Variants in ANO4 observed in about 807,000 individuals in gnomAD.
The protein encoded by ANO4 is anoctamin 4, also known as anoctamin-4.
Under a neutral mutation model 141.9 loss-of-function variants are expected in ANO4, and 69 were observed. The observed-to-expected ratio is 0.49, with a 90% CI of 0.40 to 0.59. The LOEUF (loss-of-function observed/expected upper bound fraction) is 0.59. ANO4 is among the 20% of genes least tolerant of loss of function. The pLI is 0.00. For synonymous variants in ANO4, 350 were observed against 394.3 expected, an observed-to-expected ratio of 0.89 and a Z score of 1.33; for missense variants, 894 against 1,162.2, an observed-to-expected ratio of 0.77 and a Z score of 3.36.
intron 1 of ANO4, among the ~76,000 whole-genome samples, chr12:100,842,409 G>GT (rs2037321540): frequency 7.0e-6 from 1 of 143,522 alleles, no homozygotes; most frequent in Non-Finnish European, 1.5e-5. Flanking sequence ...GTGTGTATGT[G>GT]TATGTGTGTG....
At chr12:101,042,226 C>A in intron 11 of ANO4, 108 bp from the exon 12 acceptor site, 1 of 1,380,878 alleles carries the variant, frequency 7.2e-7, no homozygotes, top group Non-Finnish European at 9.9e-7. Flanking sequence ...ACCTTGCTTG[C>A]AGTTTACCTC....
intron 11 of ANO4, among the ~76,000 whole-genome samples, chr12:101,041,551 C>T: frequency 6.6e-6 from 1 of 152,168 alleles, no homozygotes; most frequent in East Asian, 1.9e-4. Flanking sequence ...TTAGTCAATG[C>T]ATATTAATTA....
rs182118525 is a variant in ANO4, at chr12:100,830,047, A to G, written c.-141+35020A>G. Among the ~76,000 whole-genome samples the G allele has an allele frequency of 2.1e-4, 32 of 152,162 alleles. 1 individual carries two copies. Among genetic ancestry groups the G allele is most frequent in the Admixed American group, 2.1e-3 (32 of 15,264 alleles). On this transcript the variant is annotated intron_variant, in intron 1 of 27. Coordinates refer to ENST00000392977, the MANE Select transcript of ANO4 (RefSeq NM_001286615.2). ...AATCTGTGTGAGATACAGCTCTTAG[A>G]CATATAAAGAGTAGGACTATAGTCA...
At chr12:100,730,009 A>G (rs2031316875) in intron 1 of ANO4, among the ~76,000 whole-genome samples, 2 of 151,816 alleles carry the variant, frequency 1.3e-5, no homozygotes, top group Admixed American at 1.3e-4. Flanking sequence ...TCTCCTCCTC[A>G]TTCATAGTCA....
chr12:100,935,926 G>A (rs140126599), intron 3 of ANO4, among the ~76,000 whole-genome samples: 6 of 152,066 alleles, frequency 3.9e-5, no homozygotes, highest in Non-Finnish European at 8.8e-5. Flanking sequence ...GATGAAATAT[G>A]GATGAAGTGC....
chr12:100,793,651 T>C (rs139013177), upstream of ANO4, among the ~76,000 whole-genome samples: 1 of 152,274 alleles, frequency 6.6e-6, no homozygotes, highest in East Asian at 1.9e-4. Context: ...AGTTATCTTT[T>C]CTGCAGTGAT....
At chr12:101,058,709 T>C (rs967289161) in intron 14 of ANO4, among the ~76,000 whole-genome samples, 2 of 152,186 alleles carry the variant, frequency 1.3e-5, no homozygotes, top group Non-Finnish European at 2.9e-5. Context: ...TGCACATTGA[T>C]TTTGTATCCT....
At chr12:101,105,918 C>T (rs1229307796) in intron 22 of ANO4, among the ~76,000 whole-genome samples, 1 of 152,054 alleles carries the variant, frequency 6.6e-6, no homozygotes, top group Admixed American at 6.5e-5. Context: ...GTCAGGAGTT[C>T]GAGACCAACA....
intron 8 of ANO4, among the ~76,000 whole-genome samples, chr12:101,009,871 C>G (rs1277877509): frequency 1.3e-5 from 2 of 152,076 alleles, no homozygotes. Flanking sequence ...TGGGCTGATC[C>G]TCTAATGTCC....
Position 100,901,762 on chromosome 12 carries a change from C to A in ANO4, c.-24C>A, listed in dbSNP as rs368294772. 45 of 1,612,468 alleles carry A rather than the reference C, an allele frequency of 2.8e-5. No individual in the cohort carries two copies. The highest frequency in any genetic ancestry group is 1.7e-5 in the Admixed American group (1 of 59,976). ...GCCTGTGGTCAGGCATTCCTCACTCCCACCAGGCAGAAGGTCAATAAAAAT... is the reference window on the plus strand; with the variant it reads ...GCCTGTGGTCAGGCATTCCTCACTCACACCAGGCAGAAGGTCAATAAAAAT... On this transcript the variant is annotated 5_prime_UTR_variant, in exon 2 of 28. Transcript: ENST00000392977.
intron 8 of ANO4, among the ~76,000 whole-genome samples, chr12:101,000,535 C>T (rs535354666): frequency 3.3e-4 from 50 of 152,250 alleles, no homozygotes; most frequent in African/African-American, 1.2e-3. Flanking sequence ...CTTTTAGTGC[C>T]TCAATGACTT....
At chr12:100,899,895 A>G (rs1206418725) in intron 1 of ANO4, among the ~76,000 whole-genome samples, 3 of 152,196 alleles carry the variant, frequency 2.0e-5, no homozygotes, top group East Asian at 3.8e-4. Context: ...CCATTTACAT[A>G]TAAAGAAACC....
At chr12:100,737,037 G>A (rs376239610) in intron 2 of ANO4, among the ~76,000 whole-genome samples, 3 of 152,212 alleles carry the variant, frequency 2.0e-5, no homozygotes, top group African/African-American at 4.8e-5. Flanking sequence ...CTCTGAAGGG[G>A]AGGTAGGTAT....
At chr12:101,012,862 G>C (rs1005009064) in intron 8 of ANO4, among the ~76,000 whole-genome samples, 17 of 152,130 alleles carry the variant, frequency 1.1e-4, no homozygotes, top group African/African-American at 3.9e-4. Flanking sequence ...GGAGCCCAGA[G>C]ACCTTGATGG....
chr12:101,027,130 G>A (rs1226047192), intron 9 of ANO4, among the ~76,000 whole-genome samples: 2 of 152,298 alleles, frequency 1.3e-5, no homozygotes, highest in East Asian at 3.9e-4. Context: ...AGCCACACGG[G>A]GCAGGGGAGC....
intron 14 of ANO4, among the ~76,000 whole-genome samples, chr12:101,075,406 G>A (rs1050015532): frequency 5.9e-5 from 9 of 151,674 alleles, no homozygotes; most frequent in African/African-American, 1.9e-4. Context: ...GAAATCATTA[G>A]CAATGTAAAA....
rs144253955 is a variant in ANO4, at chr12:100,946,522, A to G, written c.456+3987A>G. Among the ~76,000 whole-genome samples, 272 of 152,322 alleles carry G rather than the reference A, an allele frequency of 1.8e-3. 1 individual carries two copies. Among genetic ancestry groups the G allele is most frequent in the African/African-American group, 6.2e-3 (256 of 41,570 alleles). On this transcript the variant is annotated intron_variant, in intron 5 of 27. Transcript: ENST00000392977. ...AGACAGATTGAATGGGCAGTGTAAA[A>G]AAGAAGAGTCACAGACTATTTGTCT...
At chr12:100,858,707 A>T (rs893173433) in intron 1 of ANO4, among the ~76,000 whole-genome samples, 1 of 152,264 alleles carries the variant, frequency 6.6e-6, no homozygotes, top group Admixed American at 6.5e-5. Context: ...CTTTTTACAG[A>T]TATGAAGTGG....
chr12:101,095,535 A>G (rs1056543972), intron 18 of ANO4, among the ~76,000 whole-genome samples: 1 of 152,172 alleles, frequency 6.6e-6, no homozygotes, highest in African/African-American at 2.4e-5. Flanking sequence ...GCCCTCCGCA[A>G]CAGTATGGCC....
Sources: gnomAD v4.1 joint callset for allele counts (sites outside exome capture counted in the v4.1 genomes callset) on GRCh38, gnomAD v4.1.1 for gene constraint, MANE v1.5 for transcripts, NCBI Gene and HGNC (gene_info 2026-07-23, HGNC 2026-07-21) for gene names.